MACROD2: variants seen among roughly 807,000 people sequenced by gnomAD.
The protein encoded by MACROD2 is mono-ADP ribosylhydrolase 2, also known as ADP-ribose glycohydrolase MACROD2.
Under a neutral mutation model 70.4 loss-of-function variants are expected in MACROD2, and 36 were observed. That is an observed-to-expected ratio of 0.51 (90% CI 0.39 to 0.68). MACROD2 has a LOEUF of 0.68. MACROD2 is among the 30% of genes least tolerant of loss of function. The pLI is 0.00. For missense variants in MACROD2, 496 were observed against 538.4 expected, an observed-to-expected ratio of 0.92 and a Z score of 0.78; for synonymous variants, 172 against 178.8, an observed-to-expected ratio of 0.96 and a Z score of 0.30.
At chr20:15,161,869 A>C (rs1291516308) in intron 5 of MACROD2, among the ~76,000 whole-genome samples, 3 of 152,018 alleles carry the variant, frequency 2.0e-5, no homozygotes, top group Non-Finnish European at 4.4e-5. Flanking sequence ...TCAAAATCAA[A>C]ATAAGATACT....
intron 8 of MACROD2, among the ~76,000 whole-genome samples, chr20:15,812,328 T>C (rs181355130): frequency 1.6e-4 from 25 of 152,308 alleles, no homozygotes; most frequent in African/African-American, 5.8e-4. Flanking sequence ...TTCTGAGATA[T>C]CACACAAAGT....
intron 4 of MACROD2, among the ~76,000 whole-genome samples, chr20:14,609,401 A>C (rs558434510): frequency 3.3e-5 from 5 of 152,160 alleles, no homozygotes; most frequent in Admixed American, 2.6e-4. Context: ...CTTACTGAGG[A>C]GGGGAAGACT....
intron 5 of MACROD2, among the ~76,000 whole-genome samples, chr20:14,920,513 G>A (rs1257987638): frequency 1.3e-5 from 2 of 152,130 alleles, no homozygotes; most frequent in Non-Finnish European, 2.9e-5. Context: ...GGTTTGAAGT[G>A]TGATTTCTTT....
rs369507930 is a variant in MACROD2 at position 15,850,080 on chromosome 20, G to A, written c.646-12665G>A. Reference sequence around the variant, plus strand: ...ATGTTGAGAGATGAAGTGGATATCTGACCAATTTTCTCCTCACCTCTTGAT... The same window carrying A: ...ATGTTGAGAGATGAAGTGGATATCTAACCAATTTTCTCCTCACCTCTTGAT... On this transcript the variant is annotated intron_variant, in intron 8 of 17. Coordinates refer to ENST00000684519, the MANE Select transcript of MACROD2 (RefSeq NM_001351661.2). 1.4e-4 allele frequency among the ~76,000 whole-genome samples: 21 copies of A among 152,224 alleles called. No individual in the cohort carries two copies. The East Asian group carries it at 2.1e-3, about 15-fold the overall frequency.
intron 5 of MACROD2, among the ~76,000 whole-genome samples, chr20:14,906,448 C>T (rs1300735000): frequency 1.3e-5 from 2 of 152,040 alleles, no homozygotes. Context: ...GAGCTGAGAT[C>T]GTGCCACTGC....
intron 17 of MACROD2, 69 bp downstream of exon 17, chr20:16,044,708 C>A: frequency 7.0e-7 from 1 of 1,421,192 alleles, no homozygotes; most frequent in Non-Finnish European, 9.9e-7. Context: ...AAATGACATA[C>A]TGGATTTCCC....
chr20:16,005,225 C>T (rs1408268140), intron 15 of MACROD2, among the ~76,000 whole-genome samples: 3 of 152,166 alleles, frequency 2.0e-5, no homozygotes, highest in Non-Finnish European at 4.4e-5. Flanking sequence ...GGAAGTTCCC[C>T]ACACAAAGTA....
At chr20:15,899,059 CAT>C (rs557279082) in intron 10 of MACROD2, among the ~76,000 whole-genome samples, 106 of 151,566 alleles carry the variant, frequency 7.0e-4, no homozygotes, top group African/African-American at 2.3e-3. Flanking sequence ...TATATACATG[CAT>C]ATATGTGTGT....
intron 4 of MACROD2, among the ~76,000 whole-genome samples, chr20:14,508,134 A>G (rs977738022): frequency 6.6e-6 from 1 of 152,322 alleles, no homozygotes; most frequent in Admixed American, 6.5e-5. Flanking sequence ...GAAAAGACTC[A>G]AGAAACAAGA....
intron 5 of MACROD2, among the ~76,000 whole-genome samples, chr20:15,118,867 C>T (rs1157630225): frequency 2.0e-5 from 3 of 152,176 alleles, no homozygotes. Flanking sequence ...GAGAATTTGG[C>T]ATTGCACTTA....
At chr20:14,545,609 C>T (rs972170526) in intron 4 of MACROD2, among the ~76,000 whole-genome samples, 1 of 152,048 alleles carries the variant, frequency 6.6e-6, no homozygotes. Flanking sequence ...GTAATCATGC[C>T]GGGTGTAAGC....
chr20:15,786,161 TAA>T (rs10641335), intron 8 of MACROD2, among the ~76,000 whole-genome samples: 1 of 144,636 alleles, frequency 6.9e-6, no homozygotes. Flanking sequence ...TTAACAATAT[TAA>T]AAAAAAAAAA....
intron 9 of MACROD2, among the ~76,000 whole-genome samples, chr20:15,871,104 A>G (rs2064575119): frequency 7.3e-6 from 1 of 137,588 alleles, no homozygotes; most frequent in Non-Finnish European, 1.5e-5. Flanking sequence ...TGAACCCGAG[A>G]GGTGGAGGTT....
rs146243528 is a variant in MACROD2 at position 14,125,231 on chromosome 20, G to A, written c.271+39503G>A. On this transcript the variant is annotated intron_variant, in intron 3 of 17. Transcript: ENST00000684519. ...TGTCTTGAAACTAGATAAAGGTGGTGGTTGCACAACATTTTGAATGTTCTA... is the reference window on the plus strand; with the variant it reads ...TGTCTTGAAACTAGATAAAGGTGGTAGTTGCACAACATTTTGAATGTTCTA... Among the ~76,000 whole-genome samples, 11 of 152,150 alleles carry A rather than the reference G, an allele frequency of 7.2e-5. No individual in the cohort carries two copies. The East Asian group carries it at 1.7e-3, about 24-fold the overall frequency.
chr20:15,946,858 C>T (rs541820499), intron 12 of MACROD2, among the ~76,000 whole-genome samples: 6 of 152,260 alleles, frequency 3.9e-5, no homozygotes, highest in African/African-American at 1.2e-4. Flanking sequence ...TTACTATTTC[C>T]ACCATCTCAG....
intron 8 of MACROD2, among the ~76,000 whole-genome samples, chr20:15,814,127 A>G (rs1421963991): frequency 6.6e-6 from 1 of 152,158 alleles, no homozygotes; most frequent in African/African-American, 2.4e-5. Flanking sequence ...AAGAAAATAT[A>G]TGAGGGTAAA....
chr20:14,934,957 A>T (rs1427451716), intron 5 of MACROD2: 1 of 151,784 alleles, frequency 6.6e-6, no homozygotes, highest in East Asian at 1.9e-4. Context: ...CTCTTCCTCC[A>T]CTCTCCTGAG....
chr20:14,960,794 CT>C (rs2074576564), intron 5 of MACROD2, among the ~76,000 whole-genome samples: 1 of 152,000 alleles, frequency 6.6e-6, no homozygotes, highest in Admixed American at 6.6e-5. Flanking sequence ...GGGGCTTCTT[CT>C]GTGACACTAT....
intron 4 of MACROD2, among the ~76,000 whole-genome samples, chr20:14,508,549 A>G (rs1003480879): frequency 3.3e-5 from 5 of 152,176 alleles, no homozygotes; most frequent in African/African-American, 1.2e-4. Flanking sequence ...ATTTTCAGAG[A>G]TTTGACATTA....
Sources: allele counts gnomAD v4.1 joint callset (sites outside exome capture counted in the v4.1 genomes callset), GRCh38; gene constraint gnomAD v4.1.1; transcripts MANE v1.5; gene names NCBI Gene and HGNC (gene_info 2026-07-23, HGNC 2026-07-21).